Variants in BAIAP2L1 observed in about 807,000 individuals in gnomAD.
BAIAP2L1 encodes BAR/IMD domain-containing adapter protein 2-like 1.
In BAIAP2L1, 35 loss-of-function variants were observed where a neutral mutation model predicts 66.3. The observed-to-expected ratio is 0.53, with a 90% CI of 0.40 to 0.70. The LOEUF (loss-of-function observed/expected upper bound fraction) is 0.70, where lower values mean the gene tolerates loss of function less well. Ranked by LOEUF, BAIAP2L1 falls within the 30% of genes least tolerant of loss-of-function variation. BAIAP2L1 has a pLI of 0.00. For missense variants in BAIAP2L1, 622 were observed against 656.9 expected (o/e 0.95, Z 0.58); for synonymous variants, 269 against 248.7 (o/e 1.08, Z -0.77).
chr7:98,312,612 G>A (rs1288225114), intron 7 of BAIAP2L1, among the ~76,000 whole-genome samples: 2 of 152,118 alleles, frequency 1.3e-5, no homozygotes, highest in Non-Finnish European at 2.9e-5. Flanking sequence ...CCCCAGAAAC[G>A]CCAACCATCA....
Position 98,293,455 on chromosome 7 carries a change from A to C in BAIAP2L1, c.*66T>G. On this transcript the variant is annotated 3_prime_UTR_variant, in exon 14 of 14. Coordinates refer to ENST00000005260, the MANE Select transcript of BAIAP2L1 (RefSeq NM_018842.5). ...CTTCCCGACCGTCAGCACGTGGCAG[A>C]CAGGATGCGCCCATCATTCCGCAAG... 1.4e-6 allele frequency: 2 copies of C among 1,456,528 alleles called. No individual in the cohort carries two copies. The highest frequency in any genetic ancestry group is 1.9e-6 in the Non-Finnish European group (2 of 1,040,684). 90.2% of individuals were successfully genotyped at this position (1,456,528 alleles called of 1,614,324 possible). A position where few individuals can be genotyped will look rare whatever the true frequency, so the allele number is the denominator to read the frequency against.
chr7:98,343,994 T>C (rs548943238), intron 3 of BAIAP2L1, among the ~76,000 whole-genome samples: 32 of 152,100 alleles, frequency 2.1e-4, no homozygotes, highest in African/African-American at 7.5e-4. Flanking sequence ...TCCTGGCCAA[T>C]ATGGTGAAAC....
intron 1 of BAIAP2L1, among the ~76,000 whole-genome samples, chr7:98,364,186 T>C (rs747249278): frequency 2.6e-5 from 4 of 152,174 alleles, no homozygotes; most frequent in Admixed American, 6.6e-5. Flanking sequence ...GTGTTCATTA[T>C]GACTTTGCAC....
rs35420774 is a variant in BAIAP2L1 at position 98,338,421 on chromosome 7, T to TAAAA, written c.214+16617_214+16620dup. ...TGGGCCACAGAGCAAGACTCCGTCT[T>TAAAA]AAAAAAAAAAAAAAAAAAAGACATG... On this transcript the variant is annotated intron_variant, in intron 3 of 13. Transcript: ENST00000005260. 3.8e-5 allele frequency among the ~76,000 whole-genome samples: 5 copies of TAAAA among 131,426 alleles called. No homozygotes were observed. The Admixed American group carries it at 3.9e-4, about 10-fold the overall frequency. 86.2% of individuals were successfully genotyped at this position (131,426 alleles called of 152,430 possible). A position where few individuals can be genotyped will look rare whatever the true frequency, so the allele number is the denominator to read the frequency against.
chr7:98,292,457 G>C lies in BAIAP2L1; in HGVS notation c.*1064C>G, dbSNP rs1800007161. 3.2e-6 allele frequency: 2 copies of C among 618,786 alleles called. No homozygotes were observed. The highest frequency in any genetic ancestry group is 5.7e-6 in the Non-Finnish European group (2 of 352,814). 38.3% of individuals were successfully genotyped at this position (618,786 alleles called of 1,614,324 possible). A position where few individuals can be genotyped will look rare whatever the true frequency, so the allele number is the denominator to read the frequency against. The stretch of plus-strand genomic sequence containing the variant: ...ACAAAATGCTGGGATTCCCGTACCT[G>C]GGCCGGGCTGGGAATTTTAACCATG... On this transcript the variant is annotated 3_prime_UTR_variant, in exon 14 of 14. Coordinates refer to ENST00000005260, the MANE Select transcript of BAIAP2L1 (RefSeq NM_018842.5).
At chr7:98,316,568 G>C (rs569015922) in intron 6 of BAIAP2L1, among the ~76,000 whole-genome samples, 1 of 152,292 alleles carries the variant, frequency 6.6e-6, no homozygotes, top group Admixed American at 6.5e-5. Flanking sequence ...ATGTGATAAT[G>C]ATCAAAGCAG....
chr7:98,400,569 A>T (rs1316299593), intron 1 of BAIAP2L1, among the ~76,000 whole-genome samples: 1 of 93,842 alleles, frequency 1.1e-5, no homozygotes. Context: ...GGAGGGAAGG[A>T]GGAGGAAAAG....
At chr7:98,355,263 G>A in intron 2 of BAIAP2L1, 135 bp from the exon 3 acceptor site, 1 of 680,316 alleles carries the variant, frequency 1.5e-6, no homozygotes, top group Non-Finnish European at 2.7e-6. Context: ...TGGCTCTCAG[G>A]AGGTAAGACC....
intron 1 of BAIAP2L1, among the ~76,000 whole-genome samples, chr7:98,387,635 G>A (rs1427233186): frequency 6.6e-6 from 1 of 152,014 alleles, no homozygotes; most frequent in Non-Finnish European, 1.5e-5. Flanking sequence ...TGAGGTGGGA[G>A]GACTGCTTGA....
rs59219554 is a variant in BAIAP2L1, at chr7:98,321,916, T to C, written c.215-1618A>G. On this transcript the variant is annotated intron_variant, in intron 3 of 13. Coordinates refer to ENST00000005260, the MANE Select transcript of BAIAP2L1 (RefSeq NM_018842.5). ...TTCGAGACCATCCTGGCCAACACGGTGAAACCCCGTCTCTATTAAAAATAC... is the reference window on the plus strand; with the variant it reads ...TTCGAGACCATCCTGGCCAACACGGCGAAACCCCGTCTCTATTAAAAATAC... Among the ~76,000 whole-genome samples, 746 of 152,142 alleles carry C rather than the reference T, an allele frequency of 4.9e-3. 5 individuals are homozygous for C. The highest frequency in any genetic ancestry group is 0.017 in the African/African-American group (695 of 41,510).
intron 3 of BAIAP2L1, among the ~76,000 whole-genome samples, chr7:98,341,998 T>C (rs1801750391): frequency 6.6e-6 from 1 of 151,856 alleles, no homozygotes; most frequent in African/African-American, 2.4e-5. Flanking sequence ...AATATTGTTG[T>C]GAATTAGTAA....
chr7:98,325,244 A>C (rs1412671050), intron 3 of BAIAP2L1, among the ~76,000 whole-genome samples: 1 of 151,914 alleles, frequency 6.6e-6, no homozygotes, highest in East Asian at 1.9e-4. Context: ...TTAGCTGGGC[A>C]TGGTGGCAGG....
chr7:98,332,379 T>C (rs1200985449), intron 3 of BAIAP2L1, among the ~76,000 whole-genome samples: 1 of 42,510 alleles, frequency 2.4e-5, no homozygotes, highest in Non-Finnish European at 3.7e-5. Context: ...CAAGACTCCA[T>C]CTCAAAAAAA....
At chr7:98,381,360 T>C (rs1428469901) in intron 1 of BAIAP2L1, among the ~76,000 whole-genome samples, 1 of 152,158 alleles carries the variant, frequency 6.6e-6, no homozygotes, top group African/African-American at 2.4e-5. Flanking sequence ...TCACCCACAA[T>C]CTAGGTTTTG....
intron 1 of BAIAP2L1, among the ~76,000 whole-genome samples, chr7:98,389,054 C>T (rs1802964092): frequency 6.6e-6 from 1 of 151,854 alleles, no homozygotes. Context: ...ATCATTGTGA[C>T]TTTCCTGATT....
intron 2 of BAIAP2L1, among the ~76,000 whole-genome samples, chr7:98,360,791 C>A (rs1286977689): frequency 1.3e-5 from 2 of 152,158 alleles, no homozygotes; most frequent in Non-Finnish European, 2.9e-5. Flanking sequence ...AGGACAGGGG[C>A]ACTTGCAGAA....
At chr7:98,294,707 C>T (rs1012879035) in intron 12 of BAIAP2L1, among the ~76,000 whole-genome samples, 2 of 152,202 alleles carry the variant, frequency 1.3e-5, no homozygotes, top group African/African-American at 4.8e-5. Flanking sequence ...TTTTTGGGAG[C>T]TGACTCCTGA....
intron 11 of BAIAP2L1, among the ~76,000 whole-genome samples, chr7:98,304,850 A>G (rs1441216404): frequency 6.7e-6 from 1 of 149,788 alleles, no homozygotes; most frequent in African/African-American, 2.5e-5. Context: ...GTTTCTAAAC[A>G]TATCCTCACA....
At chr7:98,373,028 G>A (rs1043314174) in intron 1 of BAIAP2L1, among the ~76,000 whole-genome samples, 1 of 152,152 alleles carries the variant, frequency 6.6e-6, no homozygotes, top group Non-Finnish European at 1.5e-5. Flanking sequence ...GTGCGAGCCA[G>A]CACGCCCGGT....
Sources: gnomAD v4.1 joint callset for allele counts (sites outside exome capture counted in the v4.1 genomes callset) on GRCh38, gnomAD v4.1.1 for gene constraint, MANE v1.5 for transcripts, NCBI Gene and HGNC (gene_info 2026-07-23, HGNC 2026-07-21) for gene names.